THAP9: variants seen among roughly 807,000 people sequenced by gnomAD.
THAP9 encodes DNA transposase THAP9.
In THAP9, 20 loss-of-function variants were observed where a neutral mutation model predicts 35.7. The ratio of observed to expected loss-of-function variants is 0.56; its 90% CI spans 0.39 to 0.81. The LOEUF (loss-of-function observed/expected upper bound fraction) is 0.81. Ranked by LOEUF, THAP9 falls within the 40% of genes least tolerant of loss-of-function variation. The probability of loss-of-function intolerance (pLI) is 0.00; values close to 1 mark genes in which losing one functional copy is unlikely to be tolerated. For synonymous variants in THAP9, 335 were observed against 373.7 expected, an observed-to-expected ratio of 0.90 and a Z score of 1.19; for missense variants, 870 against 1,047.4, an observed-to-expected ratio of 0.83 and a Z score of 2.34.
intron 1 of THAP9, 41 bp downstream of exon 1, chr4:82,900,923 G>C (rs986232533): frequency 2.5e-6 from 4 of 1,607,822 alleles, no homozygotes; most frequent in Non-Finnish European, 3.4e-6. Flanking sequence ...AACTCCCTGC[G>C]GGGCCCGGCG....
chr4:82,915,030 C>G (rs1343911362), intron 4 of THAP9, among the ~76,000 whole-genome samples: 2 of 152,120 alleles, frequency 1.3e-5, no homozygotes, highest in East Asian at 1.9e-4. Context: ...ATATGGCTAG[C>G]CAGTTACCCC....
chr4:82,918,466 CTAT>C lies in THAP9; in HGVS notation c.2259_2261del (p.Leu753del), dbSNP rs1401432167. 6 of 1,614,106 alleles carry C rather than the reference CTAT, an allele frequency of 3.7e-6. No homozygotes were observed. The highest frequency in any genetic ancestry group is 3.3e-5 in the South Asian group (3 of 91,072). On this transcript the variant is annotated inframe_deletion, in exon 5 of 5. Transcript: ENST00000302236. ...TCTCAAAGCCTCTAAAATTGGGTCA[CTAT>C]TATTTGTTAAAAAGAAGAATGGTTT... is the stretch of plus-strand genomic sequence containing the variant.
intron 1 of THAP9, among the ~76,000 whole-genome samples, chr4:82,902,433 G>GT (rs1462712197): frequency 6.6e-6 from 1 of 152,102 alleles, no homozygotes; most frequent in Non-Finnish European, 1.5e-5. Flanking sequence ...CTACAGCACT[G>GT]TTTGGGGCTG....
rs777041943 is a variant in THAP9 at position 82,917,625 on chromosome 4, T to C, written c.1413T>C (p.His471=). 2 of 1,614,066 alleles carry C rather than the reference T, an allele frequency of 1.2e-6. No homozygotes were observed. Among genetic ancestry groups the C allele is most frequent in the South Asian group, 2.2e-5 (2 of 91,070 alleles). ...GTACACTTGCAAATTTGAAAAATCA[T>C]GTACTGAAAGTGAATAGTGCCACCC... ...IPSTLANLKN[H]VLKVNSATQL... Residue 471 remains histidine, a synonymous_variant, in exon 5 of 5, where the codon CAT becomes CAC. Transcript: ENST00000302236.
chr4:82,906,747 A>C lies in THAP9; in HGVS notation c.580+120A>C, dbSNP rs188303333. The C allele has an allele frequency of 3.1e-6, 3 of 958,326 alleles. No homozygotes were observed. In the Admixed American group the frequency reaches 9.5e-5, roughly 30 times the overall value. 59.4% of individuals were successfully genotyped at this position (958,326 alleles called of 1,614,324 possible). ...CTTTCAGTTGGGAAGTGAAAGTCTC[A>C]GTAGCTTAAGAAGAATGAAAATTAA... On this transcript the variant is annotated intron_variant, in intron 3 of 4. Coordinates refer to ENST00000302236, the MANE Select transcript of THAP9 (RefSeq NM_024672.6).
In THAP9 at chr4:82,918,039, T is replaced by C. The variant is rs1477443924; in HGVS notation, c.1827T>C (p.His609=). The change falls in exon 5 of 5, where the codon CAT becomes CAC. Residue 609 remains histidine (H), a synonymous_variant. Transcript: ENST00000302236. ...ATCTTCTGACTTACAAATTCAGTCATGATCATCTGGAATTATTTCTAAAGA... is the reference window on the plus strand; with the variant it reads ...ATCTTCTGACTTACAAATTCAGTCACGATCATCTGGAATTATTTCTAAAGA... ...FPYLLTYKFS[H]DHLELFLKML... 1.2e-6 allele frequency: 2 copies of C among 1,614,058 alleles called. No homozygotes were observed. The highest frequency in any genetic ancestry group is 1.7e-6 in the Non-Finnish European group (2 of 1,179,992).
Position 82,918,038 on chromosome 4 carries a change from A to C in THAP9, c.1826A>C (p.His609Pro), listed in dbSNP as rs1247300496. Reference sequence around the variant, plus strand: ...TATCTTCTGACTTACAAATTCAGTCATGATCATCTGGAATTATTTCTAAAG... The same window carrying C: ...TATCTTCTGACTTACAAATTCAGTCCTGATCATCTGGAATTATTTCTAAAG... ...FPYLLTYKFS[H>P]DHLELFLKML... Residue 609 changes from histidine to proline, a missense_variant, in exon 5 of 5, where the codon CAT (histidine) becomes CCT (proline). By Grantham distance (77) the His-to-Pro change is moderately conservative. Coordinates refer to ENST00000302236, the MANE Select transcript of THAP9 (RefSeq NM_024672.6). The C allele has an allele frequency of 1.2e-6, 2 of 1,613,968 alleles. No homozygotes were observed. The highest frequency in any genetic ancestry group is 1.7e-6 in the Non-Finnish European group (2 of 1,180,002).
intron 1 of THAP9, among the ~76,000 whole-genome samples, chr4:82,902,937 A>G (rs1419802429): frequency 6.6e-6 from 1 of 152,222 alleles, no homozygotes; most frequent in African/African-American, 2.4e-5. Flanking sequence ...TATAGCTGGT[A>G]GAAGGTCACT....
rs1402283250 is a variant in THAP9 at position 82,917,382 on chromosome 4, T to C, written c.1170T>C (p.Ile390=). 1 of 1,613,702 alleles carries C rather than the reference T, an allele frequency of 6.2e-7. No homozygotes were observed. The highest frequency in any genetic ancestry group is 1.3e-5 in the African/African-American group (1 of 74,932). ...TGGCAAAAGCATTGGGGATACATATTGATGGAGACGACATGAAATGTACAT... is the reference window on the plus strand; with the variant it reads ...TGGCAAAAGCATTGGGGATACATATCGATGGAGACGACATGAAATGTACAT... ...VQMAKALGIH[I]DGDDMKCTFQ... is the part of the protein sequence containing the mutation. The change falls in exon 5 of 5, where the codon ATT becomes ATC. Residue 390 remains isoleucine (I), a synonymous_variant. Coordinates refer to ENST00000302236, the MANE Select transcript of THAP9 (RefSeq NM_024672.6).
chr4:82,905,029 A>G (rs1483981042), intron 2 of THAP9, 98 bp downstream of exon 2: 1 of 1,150,378 alleles, frequency 8.7e-7, no homozygotes, highest in Non-Finnish European at 1.2e-6. Context: ...AGACAAAAAA[A>G]CCCAAGTCTT....
chr4:82,907,822 T>C lies in THAP9; in HGVS notation c.618T>C (p.Asp206=). The C allele has an allele frequency of 6.8e-6, 11 of 1,606,096 alleles. No individual in the cohort carries two copies. The highest frequency in any genetic ancestry group is 1.3e-5 in the African/African-American group (1 of 74,786). The change falls in exon 4 of 5, where the codon GAT becomes GAC. Residue 206 remains aspartate, a synonymous_variant. Transcript: ENST00000302236. ...AGTTATATAATTGGAGAGAAACAGA[T>C]GAGTACTCCGCAGAAATGAAACAAT... ...KWELYNWRET[D]EYSAEMKQFA... is the part of the protein sequence containing the mutation.
At chr4:82,901,110 T>G (rs72923489) in intron 1 of THAP9, 2 of 698,370 alleles carry the variant, frequency 2.9e-6, no homozygotes, top group Non-Finnish European at 2.6e-6. Context: ...TCGCACCGCC[T>G]ACCGCTTTAA....
chr4:82,903,926 G>C (rs1720529127), intron 1 of THAP9, among the ~76,000 whole-genome samples: 1 of 152,154 alleles, frequency 6.6e-6, no homozygotes. Context: ...TCTCTACAGA[G>C]AGCAAGGAGG....
At position 82,917,514 on chromosome 4, in the gene THAP9, T is replaced by G; in HGVS notation, c.1302T>G (p.Phe434Leu). The G allele has an allele frequency of 6.2e-7, 1 of 1,613,162 alleles. No homozygotes were observed. Among genetic ancestry groups the G allele is most frequent in the Non-Finnish European group, 8.5e-7 (1 of 1,179,136 alleles). The stretch of plus-strand genomic sequence containing the variant: ...TTCAGAATTTTCAAAGCATTCAGTT[T>G]ATTAATGGTATAGCACATTGGCAGC... ...NAFQNFQSIQFINGIAHWQHL... is the reference protein window; with the variant it reads ...NAFQNFQSIQLINGIAHWQHL... Residue 434 changes from phenylalanine to leucine, a missense_variant, in exon 5 of 5, where the codon TTT becomes TTG. Phe to Leu is a conservative substitution (Grantham distance 22, BLOSUM62 0). Transcript: ENST00000302236.
At chr4:82,905,507 A>G (rs1415704457) in intron 2 of THAP9, among the ~76,000 whole-genome samples, 2 of 149,112 alleles carry the variant, frequency 1.3e-5, no homozygotes, top group African/African-American at 5.0e-5. Flanking sequence ...TAACTGTTCT[A>G]TTCTGACACT....
rs551600505 is a variant in THAP9, at chr4:82,917,016, G to A, written c.804G>A (p.Glu268=). 8 of 1,586,794 alleles carry A rather than the reference G, an allele frequency of 5.0e-6. No homozygotes were observed. In the African/African-American group the frequency reaches 9.5e-5, roughly 19 times the overall value. The part of the protein sequence containing the change: ...NIFSFLQRRV[E]NGDQLYQYCS... The stretch of plus-strand genomic sequence containing the variant: ...TTTCTTTTCTTCAACGAAGAGTAGA[G>A]AATGGAGATCAGCTCTATCAATACT... The change falls in exon 5 of 5, where the codon GAG becomes GAA. Residue 268 remains glutamate (E), a synonymous_variant. Coordinates refer to ENST00000302236, the MANE Select transcript of THAP9 (RefSeq NM_024672.6).
chr4:82,904,480 G>A (rs1038686691), intron 1 of THAP9, among the ~76,000 whole-genome samples: 9 of 152,176 alleles, frequency 5.9e-5, no homozygotes, highest in Non-Finnish European at 1.2e-4. Context: ...TGTAGGAAGT[G>A]AAGACAAAAT....
chr4:82,907,392 C>G (rs1473116812), intron 3 of THAP9, among the ~76,000 whole-genome samples: 1 of 151,688 alleles, frequency 6.6e-6, no homozygotes, highest in Admixed American at 6.6e-5. Context: ...ATGGTCTGTT[C>G]AGTCTGAATA....
At chr4:82,915,667 C>T (rs768977778) in intron 4 of THAP9, among the ~76,000 whole-genome samples, 15 of 151,966 alleles carry the variant, frequency 9.9e-5, no homozygotes, top group Non-Finnish European at 1.5e-4. Flanking sequence ...ACAGTCATCC[C>T]TTGGTATATG....
Sources: gnomAD v4.1 joint callset for allele counts (sites outside exome capture counted in the v4.1 genomes callset) on GRCh38, gnomAD v4.1.1 for gene constraint, MANE v1.5 for transcripts, NCBI Gene and HGNC (gene_info 2026-07-23, HGNC 2026-07-21) for gene names.